SULT2B1: variants seen among roughly 807,000 people sequenced by gnomAD.
SULT2B1 encodes the protein sulfotransferase family 2B member 1.
Under a neutral mutation model 33.2 loss-of-function variants are expected in SULT2B1, and 16 were observed. The observed-to-expected ratio is 0.48, with a 90% CI of 0.33 to 0.73. SULT2B1 has a LOEUF of 0.73. SULT2B1 is among the 30% of genes least tolerant of loss of function. The probability of loss-of-function intolerance (pLI) is 0.02; values close to 1 mark genes in which losing one functional copy is unlikely to be tolerated. For missense variants in SULT2B1, 500 were observed against 506.0 expected (o/e 0.99, Z 0.11); for synonymous variants, 186 against 200.5 (o/e 0.93, Z 0.61).
intron 1 of SULT2B1, among the ~76,000 whole-genome samples, chr19:48,556,814 G>C (rs1973104939): frequency 6.6e-6 from 1 of 151,866 alleles, no homozygotes; most frequent in East Asian, 1.9e-4. Context: ...AGCCAGAGTT[G>C]TGCCACACAC....
chr19:48,566,012 A>G (rs1973239074), intron 1 of SULT2B1, among the ~76,000 whole-genome samples: 1 of 151,744 alleles, frequency 6.6e-6, no homozygotes, highest in African/African-American at 2.4e-5. Flanking sequence ...TCCTGGGTTC[A>G]AGTGATTCTC....
chr19:48,584,142 G>A (rs545761205), intron 2 of SULT2B1, among the ~76,000 whole-genome samples: 5 of 152,226 alleles, frequency 3.3e-5, no homozygotes, highest in Admixed American at 2.6e-4. Flanking sequence ...CACAGGAATA[G>A]CTAAAATAGG....
intron 1 of SULT2B1, among the ~76,000 whole-genome samples, chr19:48,557,618 A>G (rs1195175998): frequency 1.3e-5 from 2 of 151,838 alleles, no homozygotes; most frequent in Non-Finnish European, 2.9e-5. Context: ...AATAAGGGCT[A>G]AATTAAAATC....
intron 1 of SULT2B1, chr19:48,575,695 G>A (rs1041777704): frequency 5.5e-5 from 25 of 453,060 alleles, no homozygotes; most frequent in Non-Finnish European, 8.7e-5. Flanking sequence ...TGGCCAGGCT[G>A]GTCTCAAACT....
At chr19:48,589,557 G>C (rs2147624299) in intron 3 of SULT2B1, among the ~76,000 whole-genome samples, 1 of 152,312 alleles carries the variant, frequency 6.6e-6, no homozygotes, top group South Asian at 2.1e-4. Context: ...GCTGCAATCA[G>C]GAAGTCCCCA....
At chr19:48,579,119 C>T (rs1973451121) in intron 2 of SULT2B1, among the ~76,000 whole-genome samples, 1 of 152,048 alleles carries the variant, frequency 6.6e-6, no homozygotes, top group South Asian at 2.1e-4. Flanking sequence ...AAGGTTCAAC[C>T]ACATTGTAGC....
At chr19:48,573,439 C>A (rs969756837) in intron 1 of SULT2B1, among the ~76,000 whole-genome samples, 3 of 152,080 alleles carry the variant, frequency 2.0e-5, no homozygotes, top group African/African-American at 7.2e-5. Flanking sequence ...CGTCCCGGGG[C>A]CAGATTTGTT....
chr19:48,564,007 G>A (rs1169183912), intron 1 of SULT2B1, among the ~76,000 whole-genome samples: 1 of 151,468 alleles, frequency 6.6e-6, no homozygotes, highest in East Asian at 1.9e-4. Flanking sequence ...AGAAGACTGG[G>A]CTGAGGTGGG....
chr19:48,553,779 C>T (rs984567869), intron 1 of SULT2B1, among the ~76,000 whole-genome samples: 4 of 152,198 alleles, frequency 2.6e-5, no homozygotes, highest in African/African-American at 9.6e-5. Context: ...GCCTCCTGGG[C>T]TGAGAGCTGT....
intron 1 of SULT2B1, among the ~76,000 whole-genome samples, chr19:48,565,355 T>A (rs3909295): frequency 1.1e-4 from 16 of 151,368 alleles, no homozygotes; most frequent in African/African-American, 3.4e-4. Flanking sequence ...TGTGTGTTTG[T>A]GTGTATGTGT....
intron 1 of SULT2B1, among the ~76,000 whole-genome samples, chr19:48,565,344 G>A (rs1973231138): frequency 6.6e-6 from 1 of 151,948 alleles, no homozygotes; most frequent in African/African-American, 2.4e-5. Flanking sequence ...GGGTGTGTGT[G>A]TGTGTGTTTG....
At position 48,587,223 on chromosome 19, in the gene SULT2B1, C is replaced by G. The variant is rs199730300; in HGVS notation, c.215-6C>G. 8.7e-4 allele frequency: 1,394 copies of G among 1,602,946 alleles called. 10 individuals are homozygous for G. The Middle Eastern group carries it at 9.0e-3, about 10-fold the overall frequency. The stretch of plus-strand genomic sequence containing the variant: ...CCCAATTAATCTGCTCGATTTCTCC[C>G]AACAGGCACGACCTGGATGATCGAG... On this transcript the variant is annotated splice_polypyrimidine_tract_variant and splice_region_variant and intron_variant, in intron 2 of 6. Transcript: ENST00000201586.
intron 1 of SULT2B1, among the ~76,000 whole-genome samples, chr19:48,561,523 A>G (rs1037163853): frequency 1.3e-5 from 2 of 149,010 alleles, no homozygotes; most frequent in African/African-American, 4.9e-5. Flanking sequence ...GAGAGAGAGG[A>G]GGTGTTTGAG....
intron 6 of SULT2B1, among the ~76,000 whole-genome samples, chr19:48,597,905 AT>A: frequency 6.6e-6 from 1 of 151,856 alleles, no homozygotes. Context: ...AAGTGCTGGG[AT>A]TATAGGTGTG....
intron 2 of SULT2B1, among the ~76,000 whole-genome samples, chr19:48,581,510 A>ATTT: frequency 8.7e-6 from 1 of 114,524 alleles, no homozygotes; most frequent in Admixed American, 1.1e-4. Context: ...TCGCTCTGTC[A>ATTT]CCTAGGCTGG....
At chr19:48,576,359 C>CTTTTCTTTTTTT in intron 2 of SULT2B1, among the ~76,000 whole-genome samples, 7,920 of 95,728 alleles carry the variant, frequency 0.083, 918 homozygotes, top group East Asian at 0.27. Flanking sequence ...CTCTACTTCT[C>CTTTTCTTTTTTT]TTTTTTTTTT....
intron 1 of SULT2B1, among the ~76,000 whole-genome samples, chr19:48,569,361 AACAT>A (rs1402503525): frequency 0.014 from 135 of 9,896 alleles, 1 homozygote; most frequent in African/African-American, 0.064. Flanking sequence ...AAAAAAAAAA[AACAT>A]ATATATATAT....
In SULT2B1 at chr19:48,592,702, A is replaced by T. The variant is rs775812354; in HGVS notation, c.551-20A>T. On this transcript the variant is annotated intron_variant, in intron 4 of 6. Coordinates refer to ENST00000201586, the MANE Select transcript of SULT2B1 (RefSeq NM_177973.2). ...AACCCCGCCACTCAGCCCTCACCCC[A>T]CTTGTCCCTCTGCCCACAGTGCAGT... The T allele has an allele frequency of 6.4e-7, 1 of 1,572,332 alleles. No individual in the cohort carries two copies. The highest frequency in any genetic ancestry group is 1.2e-5 in the South Asian group (1 of 85,774).
chr19:48,582,610 G>C (rs1304930153), intron 2 of SULT2B1, among the ~76,000 whole-genome samples: 1 of 152,138 alleles, frequency 6.6e-6, no homozygotes, highest in Non-Finnish European at 1.5e-5. Flanking sequence ...CACTTTGGGA[G>C]GTCGAGGCAG....
Sources: allele counts gnomAD v4.1 joint callset (sites outside exome capture counted in the v4.1 genomes callset), GRCh38; gene constraint gnomAD v4.1.1; transcripts MANE v1.5; gene names NCBI Gene and HGNC (gene_info 2026-07-23, HGNC 2026-07-21).